COL5A2: variants seen among roughly 807,000 people sequenced by gnomAD.
COL5A2 encodes collagen alpha-2(V) chain.
COL5A2 carries 23 observed loss-of-function variants against 208.2 expected under a neutral mutation model. The observed-to-expected ratio is 0.11, with a 90% CI of 0.08 to 0.16. The LOEUF (loss-of-function observed/expected upper bound fraction) is 0.16. COL5A2 is among the 10% of genes least tolerant of loss of function. The pLI, the probability that COL5A2 is intolerant of heterozygous loss-of-function variation, is 1.00. For synonymous variants in COL5A2, 625 were observed against 628.5 expected (o/e 0.99, Z 0.08); for missense variants, 1,590 against 1,956.4 (o/e 0.81, Z 3.53).
chr2:189,124,620 T>TA (rs1687573754), intron 1 of COL5A2, among the ~76,000 whole-genome samples: 1 of 152,132 alleles, frequency 6.6e-6, no homozygotes, highest in Non-Finnish European at 1.5e-5. Context: ...AAATGCAATT[T>TA]AAAGAAAACT....
intron 1 of COL5A2, among the ~76,000 whole-genome samples, chr2:189,223,860 T>C (rs913726998): frequency 6.6e-6 from 1 of 152,194 alleles, no homozygotes; most frequent in African/African-American, 2.4e-5. Context: ...TACTTACCTG[T>C]GCCCTAGCTA....
upstream of COL5A2, chr2:189,179,877 G>T (rs1265242790): frequency 3.4e-6 from 2 of 595,466 alleles, no homozygotes; most frequent in African/African-American, 3.7e-5. Flanking sequence ...CCAAGCAACG[G>T]TCTGATTGAT....
chr2:189,262,546 A>G, the COL5A2 span, among the ~76,000 whole-genome samples: 2 of 152,114 alleles, frequency 1.3e-5, no homozygotes, highest in African/African-American at 2.4e-5. Flanking sequence ...AGTTCTCTAA[A>G]ACAGTGAATC....
the COL5A2 span, among the ~76,000 whole-genome samples, chr2:189,265,382 C>G: frequency 6.6e-6 from 1 of 152,140 alleles, no homozygotes; most frequent in East Asian, 1.9e-4. Flanking sequence ...CCTTGACTCT[C>G]TTTAGCTTGC....
chr2:189,297,361 A>G, the COL5A2 span, among the ~76,000 whole-genome samples: 1 of 152,210 alleles, frequency 6.6e-6, no homozygotes, highest in African/African-American at 2.4e-5. Context: ...AAACTCTAAA[A>G]TGAGGATGAT....
the COL5A2 span, among the ~76,000 whole-genome samples, chr2:189,305,416 T>C: frequency 6.6e-6 from 1 of 152,340 alleles, no homozygotes; most frequent in African/African-American, 2.4e-5. Context: ...AAAGCCCTTA[T>C]AAAAGAGACT....
intron 1 of COL5A2, among the ~76,000 whole-genome samples, chr2:189,129,877 T>C: frequency 6.6e-6 from 1 of 152,052 alleles, no homozygotes; most frequent in East Asian, 1.9e-4. Context: ...CTCTTAATGG[T>C]TCTGCCTGCA....
the COL5A2 span, among the ~76,000 whole-genome samples, chr2:189,263,431 G>A: frequency 1.3e-5 from 2 of 152,094 alleles, no homozygotes; most frequent in African/African-American, 4.8e-5. Context: ...AGTCCCATAC[G>A]TTTATAATGG....
At chr2:189,352,404 T>A in the COL5A2 span, among the ~76,000 whole-genome samples, 1 of 152,218 alleles carries the variant, frequency 6.6e-6, no homozygotes, top group African/African-American at 2.4e-5. Flanking sequence ...TTGAACTAAT[T>A]TACACTCCCA....
the COL5A2 span, among the ~76,000 whole-genome samples, chr2:189,338,414 A>G: frequency 6.6e-6 from 1 of 152,012 alleles, no homozygotes; most frequent in South Asian, 2.1e-4. Flanking sequence ...AATACCACTC[A>G]TGAGCTACAT....
intron 1 of COL5A2, among the ~76,000 whole-genome samples, chr2:189,119,306 A>G (rs1276712988): frequency 1.3e-5 from 2 of 152,076 alleles, no homozygotes. Context: ...TGAGACAATC[A>G]TCTTCTTTCC....
chr2:189,099,560 G>A lies in COL5A2; in HGVS notation c.369+547C>T, dbSNP rs889877428. 4.6e-5 allele frequency among the ~76,000 whole-genome samples: 7 copies of A among 152,274 alleles called. No individual in the cohort carries two copies. In the East Asian group the frequency reaches 1.4e-3, roughly 29 times the overall value. ...GAATCACTTGAATCTGGGAGGTGGA[G>A]GTTGCAGTGAACTGAGATTGTGCCA... On this transcript the variant is annotated intron_variant, in intron 4 of 53. Coordinates refer to ENST00000374866, the MANE Select transcript of COL5A2 (RefSeq NM_000393.5).
chr2:189,043,200 T>C lies in COL5A2; in HGVS notation c.3422A>G (p.Gln1141Arg). The C allele has an allele frequency of 6.2e-7, 1 of 1,614,030 alleles. No homozygotes were observed. The highest frequency in any genetic ancestry group is 1.1e-5 in the South Asian group (1 of 91,058). The change falls in exon 48 of 54, where the codon CAG (glutamine) becomes CGG (arginine). Residue 1141 changes from glutamine (Q) to arginine (R), a missense_variant. Coordinates refer to ENST00000374866, the MANE Select transcript of COL5A2 (RefSeq NM_000393.5). Reference protein sequence around the residue: ...GDHGDRGDRGQKGHRGFTGLQ... With the variant: ...GDHGDRGDRGRKGHRGFTGLQ... ...ACCAGTAAAGCCTCTGTGGCCCTTCTGACCTCTGTCACCTCGGTCTCCATG... is the reference window on the plus strand; with the variant it reads ...ACCAGTAAAGCCTCTGTGGCCCTTCCGACCTCTGTCACCTCGGTCTCCATG...
intron 1 of COL5A2, among the ~76,000 whole-genome samples, chr2:189,113,626 TATATA>T (rs917224207): frequency 4.0e-5 from 6 of 148,894 alleles, no homozygotes; most frequent in African/African-American, 1.2e-4. Context: ...TAATTTTAAT[TATATA>T]ATATATGTTT....
chr2:189,108,208 G>C (rs1687187632), intron 2 of COL5A2, among the ~76,000 whole-genome samples: 1 of 151,592 alleles, frequency 6.6e-6, no homozygotes, highest in South Asian at 2.1e-4. Context: ...TCTTTTTCTA[G>C]ATTTAAATAT....
the COL5A2 span, among the ~76,000 whole-genome samples, chr2:189,307,913 A>G: frequency 6.6e-6 from 1 of 152,172 alleles, no homozygotes; most frequent in African/African-American, 2.4e-5. Flanking sequence ...CCTAGGGTGT[A>G]CATATTCCTC....
chr2:189,274,439 C>T, the COL5A2 span, among the ~76,000 whole-genome samples: 4 of 152,248 alleles, frequency 2.6e-5, no homozygotes, highest in South Asian at 4.1e-4. Flanking sequence ...TTCTCCTAAC[C>T]TTGGGTTCAG....
intron 12 of COL5A2, among the ~76,000 whole-genome samples, chr2:189,082,015 T>C (rs1388212483): frequency 6.6e-6 from 1 of 152,218 alleles, no homozygotes; most frequent in Non-Finnish European, 1.5e-5. Flanking sequence ...ATTCTTAATT[T>C]ATGTATAGCT....
intron 49 of COL5A2, 69 bp downstream of exon 49, chr2:189,042,650 CA>C (rs770037872): frequency 2.9e-5 from 42 of 1,435,724 alleles, no homozygotes; most frequent in Non-Finnish European, 4.1e-5. Context: ...AAACGATACT[CA>C]AGCATTAGCA....
Sources: allele counts gnomAD v4.1 joint callset (sites outside exome capture counted in the v4.1 genomes callset), GRCh38; gene constraint gnomAD v4.1.1; transcripts MANE v1.5; gene names NCBI Gene and HGNC (gene_info 2026-07-23, HGNC 2026-07-21).